The following KIF1A variants were observed in gnomAD, a reference collection of about 807,000 sequenced individuals.
KIF1A encodes the protein kinesin family member 1A, also known as kinesin-like protein KIF1A.
A neutral mutation model predicts 227.3 loss-of-function variants in KIF1A; 46 were observed. The ratio of observed to expected loss-of-function variants is 0.20; its 90% CI spans 0.16 to 0.26. The LOEUF (loss-of-function observed/expected upper bound fraction) is 0.26, where lower values mean the gene tolerates loss of function less well. Among genes scored for constraint, KIF1A ranks in the 10% least tolerant of loss-of-function variants. The probability of loss-of-function intolerance (pLI) is 1.00; values close to 1 mark genes in which losing one functional copy is unlikely to be tolerated. For missense variants in KIF1A, 1,683 were observed against 2,485.9 expected, an observed-to-expected ratio of 0.68 and a Z score of 6.87; for synonymous variants, 1,022 against 1,012.8, an observed-to-expected ratio of 1.01 and a Z score of -0.17.
chr2:240,797,747 G>T lies in KIF1A; in HGVS notation c.6C>A (p.Ala2=). 1 of 1,608,146 alleles carries T rather than the reference G, an allele frequency of 6.2e-7. No individual in the cohort carries two copies. The highest frequency in any genetic ancestry group is 8.5e-7 in the Non-Finnish European group (1 of 1,177,888). ...GCACCGCCACCTTCACCGAAGCCCC[G>T]GCCATCTCTGTGGCCTTCGTGGGTC... M[A]GASVKVAVRV... The change falls in exon 2 of 49, where the codon GCC becomes GCA. Residue 2 remains alanine (A), a synonymous_variant. Coordinates refer to ENST00000498729, the MANE Select transcript of KIF1A (RefSeq NM_001244008.2).
chr2:240,795,093 T>C (rs552082868), intron 2 of KIF1A, among the ~76,000 whole-genome samples: 2 of 152,036 alleles, frequency 1.3e-5, no homozygotes, highest in Admixed American at 6.5e-5. Context: ...TCAGAAGAGG[T>C]TGGTGTCTTG....
rs865982709 is a variant in KIF1A, at chr2:240,779,496, A to T, written c.882+3094T>A. On this transcript the variant is annotated intron_variant, in intron 10 of 48. Transcript: ENST00000498729. Reference sequence around the variant, plus strand: ...CTCACTCAGTTCCTCACTCAGTTCCACACTCAGTTCCACACTCAGTTCCTC... The same window carrying T: ...CTCACTCAGTTCCTCACTCAGTTCCTCACTCAGTTCCACACTCAGTTCCTC... Among the ~76,000 whole-genome samples the T allele has an allele frequency of 5.0e-4, 61 of 122,156 alleles. 2 individuals are homozygous for T. The South Asian group carries it at 9.5e-3, about 19-fold the overall frequency. 80.1% of individuals were successfully genotyped at this position (122,156 alleles called of 152,430 possible). A position where few individuals can be genotyped will look rare whatever the true frequency, so the allele number is the denominator to read the frequency against.
intron 1 of KIF1A, among the ~76,000 whole-genome samples, chr2:240,816,160 GTGTGTGTGTCTATCTGCATGCATGCA>G (rs2058299892): frequency 6.6e-6 from 1 of 151,642 alleles, no homozygotes; most frequent in Non-Finnish European, 1.5e-5. Context: ...GTGTGTGTGT[GTGTGTGTGTCTATCTGCATGCATGCA>G]TGTGTGTATG....
intron 1 of KIF1A, among the ~76,000 whole-genome samples, chr2:240,807,789 A>C (rs2057552300): frequency 6.6e-6 from 1 of 152,244 alleles, no homozygotes; most frequent in African/African-American, 2.4e-5. Flanking sequence ...AATTAGCAAG[A>C]AAATACAGTA....
intron 2 of KIF1A, among the ~76,000 whole-genome samples, chr2:240,791,952 A>C (rs1196011057): frequency 4.5e-4 from 27 of 60,210 alleles, no homozygotes; most frequent in African/African-American, 7.2e-4. Context: ...TGGGACCCCC[A>C]CCCTACCCTG....
At chr2:240,718,012 C>T (rs2044762763) in intron 48 of KIF1A, 38 bp downstream of exon 48, 6 of 1,373,842 alleles carry the variant, frequency 4.4e-6, no homozygotes, top group Non-Finnish European at 6.1e-6. Flanking sequence ...GAGGGCAGGA[C>T]CCCCATGGCA....
Position 240,763,364 on chromosome 2 carries a change from A to G in KIF1A, c.1769-18T>C. 1 of 1,556,326 alleles carries G rather than the reference A, an allele frequency of 6.4e-7. No individual in the cohort carries two copies. The highest frequency in any genetic ancestry group is 8.7e-7 in the Non-Finnish European group (1 of 1,151,168). ...GCGGTTTCCTGGGGAACAGAGGGAC[A>G]GGTGGCCTTGAGGGATGGGGATCTT... On this transcript the variant is annotated intron_variant, in intron 20 of 48. Transcript: ENST00000498729.
chr2:240,745,167 C>T (rs371047215), intron 32 of KIF1A, among the ~76,000 whole-genome samples: 10 of 152,258 alleles, frequency 6.6e-5, no homozygotes, highest in East Asian at 3.9e-4. Flanking sequence ...CACCTGCATC[C>T]GGCTCCCCAT....
chr2:240,746,222 G>C, intron 29 of KIF1A, 45 bp from the exon 30 acceptor site: 2 of 1,545,420 alleles, frequency 1.3e-6, no homozygotes, highest in Non-Finnish European at 8.7e-7. Flanking sequence ...GGAGCCAGCC[G>C]AGGAGGGGCA....
In KIF1A at chr2:240,739,947, C is replaced by G; in HGVS notation, c.3901+111G>C. 1 of 785,240 alleles carries G rather than the reference C, an allele frequency of 1.3e-6. No homozygotes were observed. Among genetic ancestry groups the G allele is most frequent in the South Asian group, 1.6e-5 (1 of 62,546 alleles). 48.6% of individuals were successfully genotyped at this position (785,240 alleles called of 1,614,324 possible). On this transcript the variant is annotated intron_variant, in intron 37 of 48. Transcript: ENST00000498729. The surrounding 1 kb of genome is among the most constrained non-coding windows in gnomAD (Gnocchi z 5.6). ...AGATTATGTGACCCGGCCAGGGTCA[C>G]GCAGCAACAGACGCAGAGGTGTGGT... is the stretch of plus-strand genomic sequence containing the variant.
intron 45 of KIF1A, chr2:240,720,172 G>A: frequency 4.9e-6 from 2 of 410,916 alleles, no homozygotes; most frequent in Non-Finnish European, 8.6e-6. Flanking sequence ...GGCCCAGCCA[G>A]GGAGCCTGTG....
At chr2:240,728,652 T>C (rs2046291673) in intron 38 of KIF1A, among the ~76,000 whole-genome samples, 1 of 152,226 alleles carries the variant, frequency 6.6e-6, no homozygotes, top group Non-Finnish European at 1.5e-5. Flanking sequence ...GCCTTGCGTC[T>C]GTCCTCAGCT....
chr2:240,719,914 G>A lies in KIF1A; in HGVS notation c.4881C>T (p.Pro1627=), dbSNP rs1255364051. 23 of 1,609,254 alleles carry A rather than the reference G, an allele frequency of 1.4e-5. No individual in the cohort carries two copies. Among genetic ancestry groups the A allele is most frequent in the Non-Finnish European group, 1.9e-5 (22 of 1,178,770 alleles). The change falls in exon 46 of 49, where the codon CCC becomes CCT. Residue 1627 remains proline (P), a synonymous_variant. Coordinates refer to ENST00000498729, the MANE Select transcript of KIF1A (RefSeq NM_001244008.2). Reference sequence around the variant, plus strand: ...GCTCTGGGCTGGCTGGCCGGGAGCAGGGCTGCGGGGTCCTGGGAAGCAGAG... The same window carrying A: ...GCTCTGGGCTGGCTGGCCGGGAGCAAGGCTGCGGGGTCCTGGGAAGCAGAG... ...YGATDLRTPQ[P]CSRPASPEPE...
intron 1 of KIF1A, among the ~76,000 whole-genome samples, chr2:240,804,749 G>A (rs1013925189): frequency 2.0e-5 from 3 of 151,960 alleles, no homozygotes; most frequent in Non-Finnish European, 2.9e-5. Context: ...ATAAAGTTTG[G>A]GTTTCAAATT....
chr2:240,729,671 T>A (rs959250803), intron 38 of KIF1A, among the ~76,000 whole-genome samples: 2 of 152,092 alleles, frequency 1.3e-5, no homozygotes, highest in Non-Finnish European at 2.9e-5. Context: ...CCCTTGGGGG[T>A]CCTAGCAGAG....
intron 1 of KIF1A, among the ~76,000 whole-genome samples, chr2:240,808,058 T>G (rs1284615620): frequency 6.6e-6 from 1 of 152,218 alleles, no homozygotes; most frequent in African/African-American, 2.4e-5. Context: ...AATGGTAAAA[T>G]GATAGGAACA....
chr2:240,718,244 A>AGGCAG, intron 47 of KIF1A, 76 bp from the exon 48 acceptor site: 1 of 1,026,712 alleles, frequency 9.7e-7, no homozygotes, highest in South Asian at 1.4e-5. Context: ...CCCAGGGCCC[A>AGGCAG]GGCAGGCAGG....
intron 1 of KIF1A, among the ~76,000 whole-genome samples, chr2:240,808,379 C>G (rs2057591288): frequency 6.6e-6 from 1 of 152,114 alleles, no homozygotes; most frequent in Non-Finnish European, 1.5e-5. Flanking sequence ...AATAACCCAA[C>G]CTGGCACAGT....
intron 1 of KIF1A, among the ~76,000 whole-genome samples, chr2:240,819,573 C>A (rs2058577141): frequency 6.6e-6 from 1 of 151,786 alleles, no homozygotes; most frequent in South Asian, 2.1e-4. Flanking sequence ...CCCCGGGAAC[C>A]GGAGCAGCTG....
Sources: gnomAD v4.1 joint callset for allele counts (sites outside exome capture counted in the v4.1 genomes callset) on GRCh38, gnomAD v4.1.1 for gene constraint, Gnocchi (gnomAD v3.1) non-coding constraint, MANE v1.5 for transcripts, NCBI Gene and HGNC (gene_info 2026-07-23, HGNC 2026-07-21) for gene names.